AGO2: variants seen among roughly 807,000 people sequenced by gnomAD.
AGO2 encodes the protein protein argonaute-2.
In AGO2, 5 loss-of-function variants were observed where a neutral mutation model predicts 102.3. The observed-to-expected ratio is 0.05, with a 90% CI of 0.03 to 0.10. The LOEUF (loss-of-function observed/expected upper bound fraction) is 0.10, where lower values mean the gene tolerates loss of function less well. AGO2 is among the 10% of genes least tolerant of loss of function. The pLI is 1.00. For missense variants in AGO2, 541 were observed against 1,183.7 expected (o/e 0.46, Z 7.97); for synonymous variants, 449 against 473.1 (o/e 0.95, Z 0.66).
intron 2 of AGO2, among the ~76,000 whole-genome samples, chr8:140,573,166 C>A (rs1199690085): frequency 6.6e-6 from 1 of 151,546 alleles, no homozygotes; most frequent in South Asian, 2.1e-4. Flanking sequence ...CCACGCCCGG[C>A]TAATTTTTTC....
At position 140,539,645 on chromosome 8, in the gene AGO2, G is replaced by A. The variant is rs1054717062; in HGVS notation, c.2035-191C>T. ...GCAGGGAGGACTGGATGCAGGAAGCGGGGGCTTGGCACTCAGGAATGGGAA... is the reference window on the plus strand; with the variant it reads ...GCAGGGAGGACTGGATGCAGGAAGCAGGGGCTTGGCACTCAGGAATGGGAA... On this transcript the variant is annotated intron_variant, in intron 15 of 18. Transcript: ENST00000220592. This position sits in a 1 kb window ranked among gnomAD's most constrained non-coding sequence, Gnocchi z 4.7. Among the ~76,000 whole-genome samples the A allele has an allele frequency of 6.6e-6, 1 of 152,216 alleles. No homozygotes were observed. The highest frequency in any genetic ancestry group is 2.4e-5 in the African/African-American group (1 of 41,442).
At position 140,582,969 on chromosome 8, in the gene AGO2, G is replaced by A. The variant is rs1371071921; in HGVS notation, c.215+2150C>T. On this transcript the variant is annotated intron_variant, in intron 2 of 18. Transcript: ENST00000220592. ...CTGGTAAAGCTTGACTTCTGGGCAT[G>A]TCTGTGTGGCTGCTTCCAGAGGAGA... Among the ~76,000 whole-genome samples, 4 of 152,238 alleles carry A rather than the reference G, an allele frequency of 2.6e-5. No homozygotes were observed. In the East Asian group the frequency reaches 5.8e-4, roughly 22 times the overall value.
intron 1 of AGO2, 97 bp downstream of exon 1, chr8:140,635,388 C>A: frequency 1.1e-6 from 1 of 869,660 alleles, no homozygotes; most frequent in South Asian, 5.1e-5. Context: ...ACCCCGCGGC[C>A]CCCCGATCCC....
At chr8:140,545,133 T>A (rs1342513047) in intron 13 of AGO2, among the ~76,000 whole-genome samples, 2 of 152,162 alleles carry the variant, frequency 1.3e-5, no homozygotes, top group African/African-American at 4.8e-5. Context: ...TTTCCCTGCA[T>A]GCCTGTGACT....
At chr8:140,635,463 C>A in intron 1 of AGO2, 22 bp downstream of exon 1, 1 of 980,022 alleles carries the variant, frequency 1.0e-6, no homozygotes, top group East Asian at 1.2e-4. Context: ...GCCGGGCGGG[C>A]GCCCCGAGCG....
chr8:140,545,990 T>C (rs544664278), intron 13 of AGO2, among the ~76,000 whole-genome samples: 1 of 152,340 alleles, frequency 6.6e-6, no homozygotes, highest in South Asian at 2.1e-4. Flanking sequence ...GCTGTGCACC[T>C]GCCGCCTGTA....
intron 14 of AGO2, among the ~76,000 whole-genome samples, chr8:140,543,752 A>G (rs756527367): frequency 5.9e-5 from 9 of 152,220 alleles, no homozygotes; most frequent in African/African-American, 9.6e-5. Context: ...TGAGGTCAAC[A>G]TTTGTTTCCT....
At chr8:140,563,165 C>T (rs1359775502) in intron 3 of AGO2, among the ~76,000 whole-genome samples, 2 of 152,176 alleles carry the variant, frequency 1.3e-5, no homozygotes, top group Non-Finnish European at 2.9e-5. Flanking sequence ...TGAGGAACAC[C>T]GATGTGACAG....
intron 1 of AGO2, among the ~76,000 whole-genome samples, chr8:140,631,641 T>A (rs2152111675): frequency 6.6e-6 from 1 of 152,114 alleles, no homozygotes; most frequent in South Asian, 2.1e-4. Flanking sequence ...GAGACCCAAA[T>A]GTGTGTGTGA....
intron 2 of AGO2, 74 bp from the exon 3 acceptor site, chr8:140,573,006 G>T: frequency 1.4e-6 from 2 of 1,467,738 alleles, no homozygotes; most frequent in Non-Finnish European, 1.8e-6. Context: ...TTTTTCTGAC[G>T]CTATTTTTTT....
At chr8:140,546,801 A>G (rs2072909134) in intron 13 of AGO2, among the ~76,000 whole-genome samples, 2 of 152,216 alleles carry the variant, frequency 1.3e-5, no homozygotes, top group South Asian at 4.1e-4. Context: ...CATTGTGTGG[A>G]GACGTCTTTC....
chr8:140,546,525 G>A (rs2072903989), intron 13 of AGO2, among the ~76,000 whole-genome samples: 1 of 152,222 alleles, frequency 6.6e-6, no homozygotes, highest in Non-Finnish European at 1.5e-5. Flanking sequence ...AATACAGAGG[G>A]TCACTGCCTT....
At chr8:140,536,729 T>C (rs940423085) in intron 16 of AGO2, among the ~76,000 whole-genome samples, 7 of 152,192 alleles carry the variant, frequency 4.6e-5, no homozygotes, top group Admixed American at 3.9e-4. Context: ...AAGTGGCGTG[T>C]AGGTGTCACC....
intron 1 of AGO2, among the ~76,000 whole-genome samples, chr8:140,618,864 C>G (rs1343173762): frequency 6.6e-6 from 1 of 151,590 alleles, no homozygotes; most frequent in South Asian, 2.1e-4. Context: ...AGTAATATTA[C>G]AGGTGGTTTT....
rs2072604716 is a variant in AGO2, at chr8:140,532,004, G to A, written c.*40C>T. 6.3e-7 allele frequency: 1 copy of A among 1,581,592 alleles called. No individual in the cohort carries two copies. Among genetic ancestry groups the A allele is most frequent in the Non-Finnish European group, 8.7e-7 (1 of 1,151,276 alleles). On this transcript the variant is annotated 3_prime_UTR_variant, in exon 19 of 19. Coordinates refer to ENST00000220592, the MANE Select transcript of AGO2 (RefSeq NM_012154.5). ...TTGGTCTGAGTGTAGCTGGTCTCGT[G>A]AATCCCACTCGGTACACAATCGCTA...
At chr8:140,545,716 T>G (rs908204932) in intron 13 of AGO2, among the ~76,000 whole-genome samples, 2 of 152,110 alleles carry the variant, frequency 1.3e-5, no homozygotes, top group African/African-American at 4.8e-5. Context: ...CACAGCCCAA[T>G]CCCACCTGCC....
chr8:140,575,890 G>A (rs1348563401), intron 2 of AGO2, among the ~76,000 whole-genome samples: 3 of 152,204 alleles, frequency 2.0e-5, no homozygotes, highest in Middle Eastern at 3.4e-3. Flanking sequence ...AGATAAAAAC[G>A]TTCCTAAAAC....
chr8:140,532,458 G>A lies in AGO2; in HGVS notation c.2429C>T (p.Ala810Val). ...PAPAYYAHLVAFRARYHLVDK... is the reference protein window; with the variant it reads ...PAPAYYAHLVVFRARYHLVDK... Reference sequence around the variant, plus strand: ...CACCAGGTGGTACCTGGCCCGGAAGGCCACCAGGTGAGCGTAGTATGCTGG... The same window carrying A: ...CACCAGGTGGTACCTGGCCCGGAAGACCACCAGGTGAGCGTAGTATGCTGG... Residue 810 changes from alanine to valine, a missense_variant, in exon 18 of 19, where the codon GCC becomes GTC. Coordinates refer to ENST00000220592, the MANE Select transcript of AGO2 (RefSeq NM_012154.5). The A allele has an allele frequency of 6.2e-7, 1 of 1,614,206 alleles. No individual in the cohort carries two copies. Among genetic ancestry groups the A allele is most frequent in the Non-Finnish European group, 8.5e-7 (1 of 1,180,042 alleles).
rs138865052 is a variant in AGO2 at position 140,544,360 on chromosome 8, T to C, written c.1749-57A>G. On this transcript the variant is annotated intron_variant, in intron 13 of 18. Coordinates refer to ENST00000220592, the MANE Select transcript of AGO2 (RefSeq NM_012154.5). ...TGAGACACGCCTGGACCTCTGACGCTAGTAGGTGCCACCATCACCTTTTGG... is the reference window on the plus strand; with the variant it reads ...TGAGACACGCCTGGACCTCTGACGCCAGTAGGTGCCACCATCACCTTTTGG... 361 of 1,443,442 alleles carry C rather than the reference T, an allele frequency of 2.5e-4. No homozygotes were observed. The African/African-American group carries it at 4.6e-3, about 19-fold the overall frequency. 89.4% of individuals were successfully genotyped at this position (1,443,442 alleles called of 1,614,324 possible).
Sources: gnomAD v4.1 joint callset for allele counts (sites outside exome capture counted in the v4.1 genomes callset) on GRCh38, gnomAD v4.1.1 for gene constraint, Gnocchi (gnomAD v3.1) non-coding constraint, MANE v1.5 for transcripts, NCBI Gene and HGNC (gene_info 2026-07-23, HGNC 2026-07-21) for gene names.